Variants in CACNA2D3 observed in about 807,000 individuals in gnomAD.
The protein encoded by CACNA2D3 is calcium voltage-gated channel auxiliary subunit alpha2delta 3.
In CACNA2D3, 60 loss-of-function variants were observed where a neutral mutation model predicts 160.6. The ratio of observed to expected loss-of-function variants is 0.37; its 90% confidence interval spans 0.30 to 0.46. The LOEUF (loss-of-function observed/expected upper bound fraction) is 0.46. CACNA2D3 is among the 20% of genes least tolerant of loss of function. CACNA2D3 has a pLI of 1.00. For missense variants in CACNA2D3, 1,205 were observed against 1,365.0 expected (o/e 0.88, Z 1.85); for synonymous variants, 558 against 492.9 (o/e 1.13, Z -1.75).
At chr3:54,669,687 G>T (rs937542286) in intron 11 of CACNA2D3, among the ~76,000 whole-genome samples, 1 of 152,116 alleles carries the variant, frequency 6.6e-6, no homozygotes, top group African/African-American at 2.4e-5. Flanking sequence ...CTGCATTAGA[G>T]AAAGTATCCT....
chr3:54,558,649 T>TA (rs1168619382), intron 5 of CACNA2D3, among the ~76,000 whole-genome samples: 1 of 152,158 alleles, frequency 6.6e-6, no homozygotes, highest in Non-Finnish European at 1.5e-5. Context: ...AGCTCCCACT[T>TA]ATAAGTGAGA....
At chr3:54,441,111 A>T (rs1700138080) in intron 4 of CACNA2D3, among the ~76,000 whole-genome samples, 1 of 152,150 alleles carries the variant, frequency 6.6e-6, no homozygotes, top group African/African-American at 2.4e-5. Flanking sequence ...CAACAGTGTA[A>T]AAGTGTTCCT....
chr3:54,144,832 G>A (rs188891020), intron 2 of CACNA2D3, among the ~76,000 whole-genome samples: 227 of 152,326 alleles, frequency 1.5e-3, no homozygotes, highest in African/African-American at 5.1e-3. Context: ...TAAGGGCTCA[G>A]TAATGCCAAG....
chr3:54,345,728 C>G (rs1055469505), intron 3 of CACNA2D3, among the ~76,000 whole-genome samples: 1 of 152,202 alleles, frequency 6.6e-6, no homozygotes, highest in Non-Finnish European at 1.5e-5. Context: ...CAAAGCACCT[C>G]TAAGCCTAAC....
At chr3:54,295,867 T>G (rs1302484111) in intron 2 of CACNA2D3, among the ~76,000 whole-genome samples, 2 of 152,220 alleles carry the variant, frequency 1.3e-5, no homozygotes, top group Admixed American at 1.3e-4. Context: ...GTTTGCCCAA[T>G]GCAGCTCGCA....
chr3:54,504,343 A>G (rs952637127), intron 5 of CACNA2D3, among the ~76,000 whole-genome samples: 7 of 152,090 alleles, frequency 4.6e-5, no homozygotes, highest in Admixed American at 2.6e-4. Flanking sequence ...CTGACATCGG[A>G]TGGATTCTGG....
At chr3:54,693,047 C>A (rs181212908) in intron 11 of CACNA2D3, among the ~76,000 whole-genome samples, 144 of 152,134 alleles carry the variant, frequency 9.5e-4, no homozygotes, top group Middle Eastern at 3.4e-3. Context: ...ACCACCACCA[C>A]CACCAACAAC....
intron 11 of CACNA2D3, among the ~76,000 whole-genome samples, chr3:54,736,101 ATATATATG>A (rs1559563755): frequency 5.3e-4 from 9 of 16,996 alleles, no homozygotes; most frequent in African/African-American, 2.1e-3. Flanking sequence ...ATATATATAC[ATATATATG>A]TATATATATA....
chr3:55,025,218 C>G (rs1575440875), intron 35 of CACNA2D3, among the ~76,000 whole-genome samples: 1 of 152,070 alleles, frequency 6.6e-6, no homozygotes, highest in East Asian at 1.9e-4. Context: ...AGAAAGTGAC[C>G]TAAAGATTTC....
intron 2 of CACNA2D3, among the ~76,000 whole-genome samples, chr3:54,174,770 C>A (rs1273021410): frequency 6.6e-6 from 1 of 152,196 alleles, no homozygotes; most frequent in Non-Finnish European, 1.5e-5. Flanking sequence ...TGTGATCCAC[C>A]CGCCTTGGCC....
intron 29 of CACNA2D3, among the ~76,000 whole-genome samples, chr3:54,975,533 A>T (rs1271542118): frequency 6.9e-6 from 1 of 145,112 alleles, no homozygotes; most frequent in East Asian, 1.9e-4. Flanking sequence ...AAAAAAAAAA[A>T]AAAAAAAAAA....
At chr3:54,217,177 G>C (rs973330879) in intron 2 of CACNA2D3, among the ~76,000 whole-genome samples, 27 of 152,258 alleles carry the variant, frequency 1.8e-4, no homozygotes, top group African/African-American at 6.3e-4. Context: ...GTGTGTTTCT[G>C]GTGCGATGGT....
intron 9 of CACNA2D3, among the ~76,000 whole-genome samples, chr3:54,610,463 A>G (rs762061450): frequency 6.6e-6 from 1 of 151,114 alleles, no homozygotes; most frequent in Non-Finnish European, 1.5e-5. Flanking sequence ...AGTCCGTTTC[A>G]ATGCCCTACC....
chr3:55,038,632 C>G (rs899999466), intron 35 of CACNA2D3, among the ~76,000 whole-genome samples: 1 of 151,924 alleles, frequency 6.6e-6, no homozygotes, highest in Non-Finnish European at 1.5e-5. Context: ...GTTAAAGACC[C>G]TGAGAAGTCC....
intron 16 of CACNA2D3, among the ~76,000 whole-genome samples, chr3:54,841,649 A>G (rs1698821992): frequency 6.6e-6 from 1 of 152,248 alleles, no homozygotes; most frequent in Non-Finnish European, 1.5e-5. Context: ...TTCCCAGAAG[A>G]TAGAATTCTT....
intron 13 of CACNA2D3, among the ~76,000 whole-genome samples, chr3:54,791,978 C>G (rs1419310532): frequency 1.3e-5 from 2 of 152,200 alleles, no homozygotes; most frequent in African/African-American, 4.8e-5. Context: ...AACAATGAAC[C>G]TGCTTGGTGC....
intron 4 of CACNA2D3, among the ~76,000 whole-genome samples, chr3:54,388,443 A>G (rs1298887233): frequency 1.3e-5 from 2 of 152,190 alleles, no homozygotes; most frequent in African/African-American, 4.8e-5. Flanking sequence ...AAAAATATCA[A>G]GTCCATCATC....
At chr3:54,379,933 C>G (rs901726697) in intron 3 of CACNA2D3, among the ~76,000 whole-genome samples, 2 of 152,100 alleles carry the variant, frequency 1.3e-5, no homozygotes, top group Admixed American at 1.3e-4. Flanking sequence ...ACTGGTGGTA[C>G]CTCTCCGATA....
intron 10 of CACNA2D3, among the ~76,000 whole-genome samples, chr3:54,641,535 C>T (rs752817658): frequency 6.6e-6 from 1 of 152,054 alleles, no homozygotes; most frequent in African/African-American, 2.4e-5. Flanking sequence ...TAGGAAAAGA[C>T]CTAGAAAGGG....
Sources: allele counts gnomAD v4.1 joint callset (sites outside exome capture counted in the v4.1 genomes callset), GRCh38; gene constraint gnomAD v4.1.1; transcripts MANE v1.5; gene names NCBI Gene and HGNC (gene_info 2026-07-23, HGNC 2026-07-21).